Variants in COPG1 observed in about 807,000 individuals in gnomAD.
COPG1 encodes coatomer subunit gamma-1.
Under a neutral mutation model 102.8 loss-of-function variants are expected in COPG1, and 29 were observed. The observed-to-expected ratio is 0.28, with a 90% CI of 0.21 to 0.38. COPG1 has a LOEUF of 0.38. COPG1 is among the 10% of genes least tolerant of loss of function. The pLI, the probability that COPG1 is intolerant of heterozygous loss-of-function variation, is 1.00. For synonymous variants in COPG1, 406 were observed against 421.6 expected (o/e 0.96, Z 0.45); for missense variants, 875 against 1,132.7 (o/e 0.77, Z 3.27).
At chr3:129,259,418 G>A (rs1178448340) in intron 10 of COPG1, among the ~76,000 whole-genome samples, 2 of 144,274 alleles carry the variant, frequency 1.4e-5, no homozygotes, top group African/African-American at 5.2e-5. Flanking sequence ...CCGAGATCGC[G>A]CCACTGCCCT....
At chr3:129,274,771 G>A (rs767128667) in intron 21 of COPG1, 67 bp from the exon 22 acceptor site, 7 of 1,558,340 alleles carry the variant, frequency 4.5e-6, no homozygotes, top group Non-Finnish European at 6.2e-6. Flanking sequence ...GGGATGTGTG[G>A]ATGAGTTCAG....
Position 129,260,228 on chromosome 3 carries a change from G to A in COPG1, c.872-105G>A, listed in dbSNP as rs941631769. ...TTGGGTTGGGATGGGGGTGTCAGCA[G>A]GGAAATGAGCTGAGCAGAGGGTTTG... is the stretch of plus-strand genomic sequence containing the variant. On this transcript the variant is annotated intron_variant, in intron 10 of 23. Transcript: ENST00000314797. 1.3e-5 allele frequency: 13 copies of A among 1,032,974 alleles called. No homozygotes were observed. In the African/African-American group the frequency reaches 2.1e-4, roughly 16 times the overall value. 64.0% of individuals were successfully genotyped at this position (1,032,974 alleles called of 1,614,324 possible).
rs758465944 is a variant in COPG1, at chr3:129,257,849, C to T, written c.860C>T (p.Pro287Leu). ...GGCTGCAGTGCCAAAGAGCTGGCCCCGGCTGTGTCAGGTCACTGGGCATTC... is the reference window on the plus strand; with the variant it reads ...GGCTGCAGTGCCAAAGAGCTGGCCCTGGCTGTGTCAGGTCACTGGGCATTC... ...LPGCSAKELA[P>L]AVSVLQLFCS... Residue 287 changes from proline to leucine, a missense_variant, in exon 10 of 24, where the codon CCG (proline) becomes CTG (leucine). Pro to Leu is a moderately conservative substitution (Grantham distance 98). Transcript: ENST00000314797. 13 of 1,613,256 alleles carry T rather than the reference C, an allele frequency of 8.1e-6. No homozygotes were observed. The highest frequency in any genetic ancestry group is 4.4e-5 in the South Asian group (4 of 91,036).
chr3:129,254,915 C>G (rs887342417), intron 6 of COPG1, 70 bp from the exon 7 acceptor site: 12 of 1,336,518 alleles, frequency 9.0e-6, no homozygotes, highest in Non-Finnish European at 8.6e-6. Context: ...TCTCTGCCCC[C>G]ATTCCTGCAC....
intron 16 of COPG1, 114 bp from the exon 17 acceptor site, chr3:129,268,381 C>A: frequency 1.9e-6 from 2 of 1,039,476 alleles, no homozygotes; most frequent in East Asian, 5.0e-5. Flanking sequence ...AAGTGATTTT[C>A]TCAGGGTCAT....
chr3:129,262,528 C>T (rs903179037), intron 12 of COPG1, among the ~76,000 whole-genome samples: 15 of 152,146 alleles, frequency 9.9e-5, no homozygotes, highest in African/African-American at 3.4e-4. Flanking sequence ...GCTGGGATTA[C>T]AGACGTGAGC....
chr3:129,252,813 C>T (rs1939727452), intron 4 of COPG1, 63 bp from the exon 5 acceptor site: 5 of 1,572,192 alleles, frequency 3.2e-6, no homozygotes, highest in Non-Finnish European at 4.4e-6. Context: ...CAGGAGGTAT[C>T]TTCTCCCAAC....
intron 2 of COPG1, among the ~76,000 whole-genome samples, chr3:129,251,804 C>T (rs1477508018): frequency 2.6e-5 from 4 of 152,210 alleles, no homozygotes; most frequent in Non-Finnish European, 4.4e-5. Context: ...TCTCCTGCCT[C>T]GGCCTCCCGA....
intron 16 of COPG1, 34 bp downstream of exon 16, chr3:129,268,074 C>CCAGTAAGGTGCTGAGT: frequency 6.5e-7 from 1 of 1,532,402 alleles, no homozygotes; most frequent in Non-Finnish European, 9.0e-7. Flanking sequence ...GGACTCAGCA[C>CCAGTAAGGTGCTGAGT]CTTACTGGAG....
rs143625930 is a variant in COPG1, at chr3:129,277,326, C to T, written c.2527C>T (p.Arg843Cys). The change falls in exon 24 of 24, where the codon CGC becomes TGC. Residue 843 changes from arginine to cysteine, a missense_variant. Transcript: ENST00000314797. ...VFRGGHDILV[R>C]SRLLLLDTVT... The stretch of plus-strand genomic sequence containing the variant: ...CCGGGGTGGTCATGACATCCTGGTG[C>T]GCTCCCGGCTGCTGCTTTTGGACAC... 78 of 1,613,802 alleles carry T rather than the reference C, an allele frequency of 4.8e-5. No homozygotes were observed. Among genetic ancestry groups the T allele is most frequent in the South Asian group, 2.3e-4 (21 of 91,080 alleles).
At chr3:129,259,607 A>G (rs1397981622) in intron 10 of COPG1, among the ~76,000 whole-genome samples, 1 of 152,160 alleles carries the variant, frequency 6.6e-6, no homozygotes, top group African/African-American at 2.4e-5. Context: ...AAGCATTAAG[A>G]AAAATTTTTT....
intron 21 of COPG1, chr3:129,274,095 G>A (rs760040219): frequency 2.2e-6 from 1 of 456,062 alleles, no homozygotes; most frequent in South Asian, 1.5e-5. Context: ...GACCTTCCTT[G>A]AGCTGGAAAT....
intron 18 of COPG1, 91 bp downstream of exon 18, chr3:129,269,091 T>G: frequency 8.8e-7 from 1 of 1,134,416 alleles, no homozygotes; most frequent in Non-Finnish European, 1.3e-6. Context: ...TGGTCTCTCC[T>G]GAGTGCTAGG....
chr3:129,249,841 G>T, intron 1 of COPG1, 95 bp downstream of exon 1: 3 of 1,343,104 alleles, frequency 2.2e-6, no homozygotes, highest in Admixed American at 2.2e-5. Context: ...CTGAGGCCCA[G>T]TGAGGGGCAG....
At chr3:129,262,880 T>C (rs1408003896) in intron 12 of COPG1, among the ~76,000 whole-genome samples, 1 of 151,674 alleles carries the variant, frequency 6.6e-6, no homozygotes. Context: ...AATTAGCTGG[T>C]GTAGTGGCTC....
At chr3:129,268,470 C>T (rs1940113311) in intron 16 of COPG1, 25 bp from the exon 17 acceptor site, 11 of 1,611,708 alleles carry the variant, frequency 6.8e-6, no homozygotes, top group Non-Finnish European at 9.3e-6. Context: ...ATCTGCCAGG[C>T]ATGGTGACCT....
chr3:129,271,849 A>G lies in COPG1; in HGVS notation c.1926A>G (p.Ser642=). ...SSPEPVALTE[S]ETEYVIRCTK... is the part of the protein sequence containing the mutation. ...CTGAGCCCGTGGCCCTCACCGAGTC[A>G]GAGACGGAGTATGTCATCCGCTGCA... is the stretch of plus-strand genomic sequence containing the variant. Residue 642 remains serine (S), a synonymous_variant, in exon 19 of 24, where the codon TCA becomes TCG. Coordinates refer to ENST00000314797, the MANE Select transcript of COPG1 (RefSeq NM_016128.4). This position sits in a 1 kb window ranked among gnomAD's most constrained non-coding sequence, Gnocchi z 4.7. The G allele has an allele frequency of 1.2e-6, 2 of 1,614,174 alleles. No homozygotes were observed. Among genetic ancestry groups the G allele is most frequent in the Non-Finnish European group, 1.7e-6 (2 of 1,180,026 alleles).
chr3:129,250,787 G>A, intron 2 of COPG1, 53 bp downstream of exon 2: 1 of 1,460,706 alleles, frequency 6.8e-7, no homozygotes. Flanking sequence ...CACCACCAAT[G>A]CAACTGAAAT....
chr3:129,268,684 C>T, intron 17 of COPG1, 64 bp downstream of exon 17: 2 of 1,576,458 alleles, frequency 1.3e-6, no homozygotes, highest in Non-Finnish European at 1.7e-6. Flanking sequence ...TCTGCATTGG[C>T]TGCAAAGCCA....
Sources: allele counts gnomAD v4.1 joint callset (sites outside exome capture counted in the v4.1 genomes callset), GRCh38; gene constraint gnomAD v4.1.1; non-coding constraint Gnocchi (gnomAD v3.1); transcripts MANE v1.5; gene names NCBI Gene and HGNC (gene_info 2026-07-23, HGNC 2026-07-21).